The following QSER1 variants were observed in gnomAD, a reference collection of about 807,000 sequenced individuals.
The protein encoded by QSER1 is glutamine and serine-rich protein 1.
QSER1 carries 49 observed loss-of-function variants against 158.5 expected under a neutral mutation model. The ratio of observed to expected loss-of-function variants is 0.31; its 90% CI spans 0.25 to 0.39. The LOEUF (loss-of-function observed/expected upper bound fraction) is 0.39. QSER1 is among the 10% of genes least tolerant of loss of function. The probability of loss-of-function intolerance (pLI) is 1.00; values close to 1 mark genes in which losing one functional copy is unlikely to be tolerated. For missense variants in QSER1, 1,754 were observed against 2,010.3 expected, an observed-to-expected ratio of 0.87 and a Z score of 2.44; for synonymous variants, 650 against 715.5, an observed-to-expected ratio of 0.91 and a Z score of 1.46.
At chr11:32,957,200 G>A (rs1439159408) in intron 7 of QSER1, among the ~76,000 whole-genome samples, 6 of 144,026 alleles carry the variant, frequency 4.2e-5, no homozygotes, top group African/African-American at 1.0e-4. Flanking sequence ...GGAGTGCAGC[G>A]GCGTGATCTT....
At chr11:32,964,712 A>T (rs11032071) in intron 8 of QSER1, among the ~76,000 whole-genome samples, 12,343 of 112,898 alleles carry the variant, frequency 0.11, 1,110 homozygotes, top group Non-Finnish European at 0.16. Context: ...AAAAAAAAAA[A>T]ACACCATATA....
intron 1 of QSER1, among the ~76,000 whole-genome samples, chr11:32,912,443 G>A (rs1851778656): frequency 6.6e-6 from 1 of 152,134 alleles, no homozygotes; most frequent in African/African-American, 2.4e-5. Context: ...GTTCTGCACA[G>A]TATTTATCAG....
At chr11:32,935,660 G>C (rs1024612463) in intron 4 of QSER1, among the ~76,000 whole-genome samples, 2 of 152,210 alleles carry the variant, frequency 1.3e-5, no homozygotes, top group Non-Finnish European at 2.9e-5. Context: ...TTTTGCCAAA[G>C]GCAGCATAAT....
chr11:32,921,343 G>C (rs911123431), intron 1 of QSER1, among the ~76,000 whole-genome samples: 3 of 152,172 alleles, frequency 2.0e-5, no homozygotes, highest in Non-Finnish European at 4.4e-5. Context: ...GGGCAGAAGA[G>C]AGGAGGGAAA....
intron 6 of QSER1, 98 bp downstream of exon 6, chr11:32,955,510 A>T (rs891723323): frequency 6.8e-6 from 4 of 586,828 alleles, no homozygotes; most frequent in Non-Finnish European, 8.8e-6. Flanking sequence ...AATATTTTTG[A>T]TATAAAGTAG....
rs781221571 is a variant in QSER1, at chr11:32,932,761, G to A, written c.1503G>A (p.Leu501=). Reference sequence around the variant, plus strand: ...GCAAGGTTGAGAAATTGCCACCCTTGTATAAAACATTGACTTTTTCTGGGT... The same window carrying A: ...GCAAGGTTGAGAAATTGCCACCCTTATATAAAACATTGACTTTTTCTGGGT... ...RSSKVEKLPP[L]YKTLTFSGSS... The change falls in exon 4 of 13, where the codon TTG becomes TTA. Residue 501 remains leucine, a synonymous_variant. Coordinates refer to ENST00000650167, the MANE Select transcript of QSER1 (RefSeq NM_001076786.3). 6.2e-7 allele frequency: 1 copy of A among 1,614,022 alleles called. No homozygotes were observed. Among genetic ancestry groups the A allele is most frequent in the South Asian group, 1.1e-5 (1 of 91,052 alleles).
rs1853012598 is a variant in QSER1, at chr11:32,978,364, G to A, written c.*1890G>A. The A allele has an allele frequency of 2.0e-5, 3 of 152,350 alleles. No individual in the cohort carries two copies. In the South Asian group the frequency reaches 6.2e-4, roughly 32 times the overall value. 9.4% of individuals were successfully genotyped at this position (152,350 alleles called of 1,614,324 possible). On this transcript the variant is annotated 3_prime_UTR_variant, in exon 13 of 13. Coordinates refer to ENST00000650167, the MANE Select transcript of QSER1 (RefSeq NM_001076786.3). ...CATATGATAGTATTGACTCTGGACA[G>A]AATTGATGTCTTTCGTTTCCAAAGT...
intron 4 of QSER1, among the ~76,000 whole-genome samples, chr11:32,952,359 C>T: frequency 6.6e-6 from 1 of 151,126 alleles, no homozygotes; most frequent in Non-Finnish European, 1.5e-5. Context: ...TTTTTCTTCA[C>T]CTATTGAAAT....
chr11:32,977,719 A>C lies in QSER1; in HGVS notation c.*1245A>C, dbSNP rs1853002439. 1 of 152,528 alleles carries C rather than the reference A, an allele frequency of 6.6e-6. No individual in the cohort carries two copies. Among genetic ancestry groups the C allele is most frequent in the Non-Finnish European group, 1.5e-5 (1 of 68,010 alleles). 9.4% of individuals were successfully genotyped at this position (152,528 alleles called of 1,614,324 possible). A position where few individuals can be genotyped will look rare whatever the true frequency, so the allele number is the denominator to read the frequency against. On this transcript the variant is annotated 3_prime_UTR_variant, in exon 13 of 13. Coordinates refer to ENST00000650167, the MANE Select transcript of QSER1 (RefSeq NM_001076786.3). The stretch of plus-strand genomic sequence containing the variant: ...CAGTGAATGTATTAGGTTCAACATG[A>C]CCTTGTGTTTTATTTGTGTTTGCCA...
At chr11:32,925,918 C>T (rs1035457177) in intron 1 of QSER1, 1 of 152,172 alleles carries the variant, frequency 6.6e-6, no homozygotes, top group Non-Finnish European at 1.5e-5. Context: ...TGTGCCTCCT[C>T]ATGTGATGCA....
chr11:32,935,498 C>T (rs1324334178), intron 4 of QSER1, 63 bp downstream of exon 4: 6 of 1,252,208 alleles, frequency 4.8e-6, no homozygotes, highest in Non-Finnish European at 5.4e-6. Flanking sequence ...CTATAGCCCA[C>T]ATTTTAAGCT....
intron 4 of QSER1, among the ~76,000 whole-genome samples, chr11:32,950,627 G>A (rs1270196547): frequency 2.0e-5 from 3 of 152,088 alleles, no homozygotes; most frequent in Non-Finnish European, 2.9e-5. Context: ...ATAGACTTGT[G>A]CAGCATTTGT....
chr11:32,953,906 T>C lies in QSER1; in HGVS notation c.4227T>C (p.Thr1409=). The C allele has an allele frequency of 6.2e-7, 1 of 1,614,208 alleles. No homozygotes were observed. The highest frequency in any genetic ancestry group is 1.7e-5 in the Admixed American group (1 of 60,032). Reference sequence around the variant, plus strand: ...GCCCAACTGCCAATACTACTGGTACTGCTACTACTTCCTCAACCACTGTGG... The same window carrying C: ...GCCCAACTGCCAATACTACTGGTACCGCTACTACTTCCTCAACCACTGTGG... ...TTSPTANTTG[T]ATTSSTTVGA... is the part of the protein sequence containing the mutation. Residue 1409 remains threonine, a synonymous_variant, in exon 5 of 13, where the codon ACT becomes ACC. Coordinates refer to ENST00000650167, the MANE Select transcript of QSER1 (RefSeq NM_001076786.3).
intron 1 of QSER1, among the ~76,000 whole-genome samples, chr11:32,917,159 A>G (rs1851843870): frequency 6.6e-6 from 1 of 152,182 alleles, no homozygotes; most frequent in Non-Finnish European, 1.5e-5. Context: ...GTACTTCCAG[A>G]TTCCTCCAGG....
chr11:32,910,820 C>T (rs1316127513), intron 1 of QSER1, among the ~76,000 whole-genome samples: 2 of 152,146 alleles, frequency 1.3e-5, no homozygotes, highest in African/African-American at 4.8e-5. Context: ...TTTCTTCTTC[C>T]TGTTCCATAC....
Position 32,934,128 on chromosome 11 carries a change from T to C in QSER1, c.2870T>C (p.Val957Ala). 2 of 1,614,042 alleles carry C rather than the reference T, an allele frequency of 1.2e-6. No homozygotes were observed. Among genetic ancestry groups the C allele is most frequent in the Non-Finnish European group, 1.7e-6 (2 of 1,179,962 alleles). Residue 957 changes from valine (V) to alanine (A), a missense_variant, in exon 4 of 13, where the codon GTT becomes GCT. Val to Ala is a moderately conservative substitution (Grantham distance 64, BLOSUM62 0). Around this residue, in one of 2 missense-constraint regions of QSER1, gnomAD observed 1,707 missense variants for 1,919.6 expected, o/e 0.89. Transcript: ENST00000650167. ...TNQHDSKNQF[V>A]SLGSMCFPEA... The stretch of plus-strand genomic sequence containing the variant: ...CAACATGATTCAAAGAATCAGTTTG[T>C]TTCTCTTGGATCGATGTGTTTCCCA...
At position 32,969,107 on chromosome 11, in the gene QSER1, A is replaced by T; in HGVS notation, c.5169A>T (p.Arg1723Ser). The T allele has an allele frequency of 6.3e-7, 1 of 1,597,424 alleles. No individual in the cohort carries two copies. Among genetic ancestry groups the T allele is most frequent in the Non-Finnish European group, 8.5e-7 (1 of 1,172,988 alleles). The change falls in exon 10 of 13, where the codon AGA becomes AGT. Residue 1723 changes from arginine (R) to serine (S), a missense_variant. Coordinates refer to ENST00000650167, the MANE Select transcript of QSER1 (RefSeq NM_001076786.3). Reference sequence around the variant, plus strand: ...GCATGCTAAATGATAACCGAAAGAGACTTCTTTTGAATCTTCATTTGGATC... The same window carrying T: ...GCATGCTAAATGATAACCGAAAGAGTCTTCTTTTGAATCTTCATTTGGATC... ...IDGMLNDNRK[R>S]LLLNLHLDQS...
chr11:32,960,337 G>A (rs372447215), intron 8 of QSER1, among the ~76,000 whole-genome samples: 2 of 152,050 alleles, frequency 1.3e-5, no homozygotes, highest in African/African-American at 2.4e-5. Context: ...AGGGTGGATC[G>A]CCTGATGTCA....
chr11:32,933,761 C>G lies in QSER1; in HGVS notation c.2503C>G (p.Gln835Glu). 6.2e-7 allele frequency: 1 copy of G among 1,613,976 alleles called. No individual in the cohort carries two copies. Among genetic ancestry groups the G allele is most frequent in the South Asian group, 1.1e-5 (1 of 91,048 alleles). The change falls in exon 4 of 13, where the codon CAA becomes GAA. Residue 835 changes from glutamine to glutamate, a missense_variant. Gln to Glu is a conservative substitution (Grantham distance 29). This residue lies in a region of QSER1 where 1,707 missense variants were observed against 1,919.6 expected (regional missense o/e 0.89). Coordinates refer to ENST00000650167, the MANE Select transcript of QSER1 (RefSeq NM_001076786.3). ...DQIINASSQI[Q>E]IPNHALGHGH... ...AATAATTAATGCTTCATCTCAGATTCAAATTCCAAATCATGCTTTAGGGCA... is the reference window on the plus strand; with the variant it reads ...AATAATTAATGCTTCATCTCAGATTGAAATTCCAAATCATGCTTTAGGGCA...
Sources: gnomAD v4.1 joint callset for allele counts (sites outside exome capture counted in the v4.1 genomes callset) on GRCh38, gnomAD v4.1.1 for gene constraint, gnomAD v4.1.1 regional missense constraint, MANE v1.5 for transcripts, NCBI Gene and HGNC (gene_info 2026-07-23, HGNC 2026-07-21) for gene names.